Variants in C11orf65 observed in about 807,000 individuals in gnomAD.
The protein encoded by C11orf65 is chromosome 11 open reading frame 65, also known as protein MFI.
Under a neutral mutation model 35.3 loss-of-function variants are expected in C11orf65, and 38 were observed. The ratio of observed to expected loss-of-function variants is 1.08; its 90% CI spans 0.83 to 1.41. The LOEUF is 1.41. Ranked by LOEUF, C11orf65 falls within the 40% of genes most tolerant of loss-of-function variation. C11orf65 has a pLI of 0.00. For synonymous variants in C11orf65, 105 were observed against 114.4 expected, an observed-to-expected ratio of 0.92 and a Z score of 0.53; for missense variants, 370 against 367.1, an observed-to-expected ratio of 1.01 and a Z score of -0.06.
intron 2 of C11orf65, among the ~76,000 whole-genome samples, chr11:108,369,891 T>G (rs1565616145): frequency 2.0e-5 from 3 of 152,206 alleles, no homozygotes; most frequent in African/African-American, 7.2e-5. Flanking sequence ...ATACACTTGT[T>G]AGTCAGTATG....
Position 108,414,735 on chromosome 11 carries a change from T to C in C11orf65, c.175-7586A>G, listed in dbSNP as rs551961102. ...TTTGATGAGGCCAGCATAACCCTAA[T>C]ACAAAAACCACACAGAGACATTACA... On this transcript the variant is annotated intron_variant, in intron 3 of 8. Transcript: ENST00000393084. Among the ~76,000 whole-genome samples, 111 of 152,104 alleles carry C rather than the reference T, an allele frequency of 7.3e-4. 1 individual carries two copies. Among genetic ancestry groups the C allele is most frequent in the African/African-American group, 2.5e-3 (103 of 41,528 alleles).
intron 2 of C11orf65, among the ~76,000 whole-genome samples, chr11:108,435,371 G>C (rs966431523): frequency 6.6e-6 from 1 of 152,064 alleles, no homozygotes; most frequent in Non-Finnish European, 1.5e-5. Context: ...AATTAATCCT[G>C]ATTCTTAGGA....
intron 2 of C11orf65, among the ~76,000 whole-genome samples, chr11:108,356,322 G>C (rs989555266): frequency 6.6e-6 from 1 of 152,130 alleles, no homozygotes; most frequent in Non-Finnish European, 1.5e-5. Context: ...GATCACCTGA[G>C]GTCAGGAGTT....
At chr11:108,312,651 A>T (rs980320464) in intron 6 of C11orf65, among the ~76,000 whole-genome samples, 8 of 150,306 alleles carry the variant, frequency 5.3e-5, no homozygotes, top group African/African-American at 2.0e-4. Context: ...CTGAAGCTTA[A>T]GCCTTAGAGT....
intron 3 of C11orf65, among the ~76,000 whole-genome samples, chr11:108,428,788 G>A (rs2092945113): frequency 6.6e-6 from 1 of 152,086 alleles, no homozygotes; most frequent in African/African-American, 2.4e-5. Flanking sequence ...TTCTGCACAT[G>A]TATCCCAGAA....
At chr11:108,438,893 C>A (rs12289471) in intron 2 of C11orf65, among the ~76,000 whole-genome samples, 28,626 of 151,640 alleles carry the variant, frequency 0.19, 3,128 homozygotes, top group African/African-American at 0.29. Context: ...GTAGTCCCAG[C>A]TACTCAGGAG....
intron 6 of C11orf65, among the ~76,000 whole-genome samples, chr11:108,311,603 G>A (rs1053363858): frequency 3.9e-5 from 6 of 152,028 alleles, no homozygotes; most frequent in Non-Finnish European, 8.8e-5. Context: ...GAGGCTGAGG[G>A]AGGAGGATCG....
intron 3 of C11orf65, among the ~76,000 whole-genome samples, chr11:108,430,623 C>G (rs2135415322): frequency 6.6e-6 from 1 of 152,050 alleles, no homozygotes; most frequent in African/African-American, 2.4e-5. Flanking sequence ...GTAGGCAGAT[C>G]ACTTGAGTCC....
chr11:108,359,537 T>A (rs747570397), intron 2 of C11orf65, among the ~76,000 whole-genome samples: 3 of 152,080 alleles, frequency 2.0e-5, no homozygotes, highest in Admixed American at 2.0e-4. Context: ...ATTGACCCCA[T>A]AGTTGGAAGT....
In C11orf65 at chr11:108,422,443, T is replaced by C. The variant is rs79444077; in HGVS notation, c.174+9303A>G. Among the ~76,000 whole-genome samples, 1,148 of 152,208 alleles carry C rather than the reference T, an allele frequency of 7.5e-3. 9 individuals are homozygous for C. Among genetic ancestry groups the C allele is most frequent in the African/African-American group, 0.025 (1,022 of 41,538 alleles). On this transcript the variant is annotated intron_variant, in intron 3 of 8. Coordinates refer to ENST00000393084, the MANE Select transcript of C11orf65 (RefSeq NM_152587.5). ...AAAGCTGTAATAGTTACGACAACAG[T>C]AGAAAAATAGACCAATGGAACAGAC... is the stretch of plus-strand genomic sequence containing the variant.
intron 2 of C11orf65, among the ~76,000 whole-genome samples, chr11:108,372,500 C>T (rs2091600005): frequency 6.6e-6 from 1 of 152,164 alleles, no homozygotes; most frequent in Admixed American, 6.5e-5. Flanking sequence ...GCCAATAATT[C>T]TTATTTCTTA....
rs1451044232 is a variant in C11orf65, at chr11:108,383,147, G to GT, written c.815dup (p.Asn272LysfsTer4). 1.2e-6 allele frequency: 2 copies of GT among 1,602,302 alleles called. No individual in the cohort carries two copies. The highest frequency in any genetic ancestry group is 1.8e-5 in the Admixed American group (1 of 56,234). On this transcript the variant is annotated frameshift_variant, in exon 9 of 9. Transcript: ENST00000393084. LOFTEE classifies it low-confidence loss of function (END_TRUNC). ...ATATGTCTCCTCCATAGTTATATAT[G>GT]TTTTTCTGTGCTTGATTAAACCTGA...
chr11:108,317,315 T>A, intron 6 of C11orf65: 1 of 1,552,956 alleles, frequency 6.4e-7, no homozygotes, highest in Non-Finnish European at 8.8e-7. Flanking sequence ...TTTTTTTCTC[T>A]GGTTTTCTGT....
At chr11:108,449,858 A>G (rs1286685915) in intron 2 of C11orf65, among the ~76,000 whole-genome samples, 1 of 151,968 alleles carries the variant, frequency 6.6e-6, no homozygotes, top group African/African-American at 2.4e-5. Flanking sequence ...CGACCTACAA[A>G]ATGGGAGAAT....
chr11:108,385,653 G>C (rs569194805), intron 8 of C11orf65, among the ~76,000 whole-genome samples: 30 of 150,774 alleles, frequency 2.0e-4, no homozygotes, highest in African/African-American at 7.3e-4. Flanking sequence ...CTGCACTCCA[G>C]CCTGGGCGAC....
intron 6 of C11orf65, among the ~76,000 whole-genome samples, chr11:108,398,606 T>C (rs2092371982): frequency 6.6e-6 from 1 of 152,228 alleles, no homozygotes; most frequent in Admixed American, 6.5e-5. Flanking sequence ...TTCATGTGCA[T>C]TGGCTTATCA....
At chr11:108,342,279 A>G (rs2087679406) in intron 2 of C11orf65, among the ~76,000 whole-genome samples, 1 of 152,172 alleles carries the variant, frequency 6.6e-6, no homozygotes, top group African/African-American at 2.4e-5. Context: ...TGTGGAAACA[A>G]TGTAAATGTT....
At chr11:108,465,483 G>C (rs2093523510) in intron 1 of C11orf65, among the ~76,000 whole-genome samples, 1 of 152,078 alleles carries the variant, frequency 6.6e-6, no homozygotes, top group Non-Finnish European at 1.5e-5. Context: ...AGTAAATACA[G>C]AGGAAAAAAA....
intron 3 of C11orf65, among the ~76,000 whole-genome samples, chr11:108,417,352 G>A (rs1377805218): frequency 6.6e-6 from 1 of 152,078 alleles, no homozygotes; most frequent in East Asian, 1.9e-4. Flanking sequence ...AAACCAGCCT[G>A]GGCAACATGG....
Sources: gnomAD v4.1 joint callset for allele counts (sites outside exome capture counted in the v4.1 genomes callset) on GRCh38, gnomAD v4.1.1 for gene constraint, MANE v1.5 for transcripts, NCBI Gene and HGNC (gene_info 2026-07-23, HGNC 2026-07-21) for gene names.